Variants in IYD observed in about 807,000 individuals in gnomAD.
The protein encoded by IYD is iodotyrosine deiodinase 1.
A neutral mutation model predicts 28.4 loss-of-function variants in IYD; 25 were observed. That is an observed-to-expected ratio of 0.88 (90% CI 0.64 to 1.23). The LOEUF (loss-of-function observed/expected upper bound fraction) is 1.23, where lower values mean the gene tolerates loss of function less well. Ranked by LOEUF, IYD falls within the 50% of genes most tolerant of loss-of-function variation. The pLI is 0.00. For synonymous variants in IYD, 140 were observed against 130.8 expected (o/e 1.07, Z -0.48); for missense variants, 352 against 357.9 (o/e 0.98, Z 0.13).
chr6:150,393,295 C>T (rs752995005), intron 3 of IYD, among the ~76,000 whole-genome samples: 9 of 152,118 alleles, frequency 5.9e-5, no homozygotes, highest in Admixed American at 3.3e-4. Context: ...TCTTCTAAAG[C>T]GTTACCATTT....
At chr6:150,372,693 TG>T in intron 1 of IYD, among the ~76,000 whole-genome samples, 1 of 89,888 alleles carries the variant, frequency 1.1e-5, no homozygotes, top group African/African-American at 4.9e-5. Context: ...GACATGTGTG[TG>T]TGGGGGTGTG....
rs759567974 is a variant in IYD, at chr6:150,394,095, A to G, written c.531-4A>G. ...ATTATCCTGAATCTCTTTTCTCTTC[A>G]CAGAACCAACTGGATTAAAGAGTAC... On this transcript the variant is annotated splice_region_variant and splice_polypyrimidine_tract_variant and intron_variant, in intron 3 of 4. Transcript: ENST00000344419. The G allele has an allele frequency of 6.2e-7, 1 of 1,613,816 alleles. No individual in the cohort carries two copies. The highest frequency in any genetic ancestry group is 1.7e-5 in the Admixed American group (1 of 60,008).
intron 4 of IYD, among the ~76,000 whole-genome samples, chr6:150,394,994 T>C (rs2143031): frequency 0.89 from 135,571 of 152,200 alleles, 60,524 homozygotes; most frequent in African/African-American, 0.95. Flanking sequence ...TGCTAATTTT[T>C]GCATTTTTTG....
Position 150,401,242 on chromosome 6 carries a change from G to A in IYD, c.*3005G>A, listed in dbSNP as rs1366986904. 6.6e-6 allele frequency: 1 copy of A among 152,120 alleles called. No individual in the cohort carries two copies. The highest frequency in any genetic ancestry group is 1.5e-5 in the Non-Finnish European group (1 of 68,022). The allele number at this position is 152,120 out of a possible 1,614,324, so 9.4% of individuals were successfully genotyped here. On this transcript the variant is annotated 3_prime_UTR_variant, in exon 5 of 5. Coordinates refer to ENST00000344419, the MANE Select transcript of IYD (RefSeq NM_203395.3). Reference sequence around the variant, plus strand: ...CTCTAAGTCCATCATTAGGTTAAGCGATTTACTGAAGGTGCAGATATCATG... The same window carrying A: ...CTCTAAGTCCATCATTAGGTTAAGCAATTTACTGAAGGTGCAGATATCATG...
intron 3 of IYD, 131 bp downstream of exon 3, chr6:150,392,635 G>T: frequency 1.1e-6 from 1 of 923,834 alleles, no homozygotes; most frequent in Non-Finnish European, 1.7e-6. Flanking sequence ...AGGAATTACG[G>T]AAGTTAAGTC....
intron 2 of IYD, 63 bp from the exon 3 acceptor site, chr6:150,392,282 T>C: frequency 6.2e-7 from 1 of 1,608,958 alleles, no homozygotes; most frequent in Non-Finnish European, 8.5e-7. Context: ...GAGCCTCTCC[T>C]TAATTAGCAG....
intron 1 of IYD, chr6:150,384,299 A>G (rs1777779637): frequency 6.6e-6 from 1 of 152,194 alleles, no homozygotes; most frequent in South Asian, 2.1e-4. Context: ...TAAAAGAACC[A>G]TCTACTCATT....
chr6:150,395,476 C>G (rs73617694), intron 4 of IYD: 1 of 1,536,772 alleles, frequency 6.5e-7, no homozygotes, highest in East Asian at 2.4e-5. Flanking sequence ...AATCACCATG[C>G]GGCATCAGAC....
At chr6:150,375,503 A>T (rs1022640734) in intron 1 of IYD, among the ~76,000 whole-genome samples, 4 of 152,224 alleles carry the variant, frequency 2.6e-5, no homozygotes. Context: ...TCTATCTCAA[A>T]CAAAAGCCTT....
In IYD at chr6:150,404,309, G is replaced by T. The variant is rs770018813; in HGVS notation, c.*6072G>T. The T allele has an allele frequency of 1.3e-5, 2 of 152,166 alleles. No individual in the cohort carries two copies. Among genetic ancestry groups the T allele is most frequent in the Non-Finnish European group, 2.9e-5 (2 of 68,028 alleles). 9.4% of individuals were successfully genotyped at this position (152,166 alleles called of 1,614,324 possible). On this transcript the variant is annotated 3_prime_UTR_variant, in exon 5 of 5. Transcript: ENST00000344419. ...TAAGTTTAGGACTAATCTTGTGTAT[G>T]CTCCTTAAGTGATTTGAATCTTTAA...
Position 150,392,342 on chromosome 6 carries a change from C to T in IYD, c.371-3C>T. On this transcript the variant is annotated splice_region_variant and splice_polypyrimidine_tract_variant and intron_variant, in intron 2 of 4. Transcript: ENST00000344419. ...TTTCTGATTTTAATGGAATGGGTGA[C>T]AGGAACAGCCCCGAGTGGGGCTCAC... 1.9e-6 allele frequency: 3 copies of T among 1,612,996 alleles called. No individual in the cohort carries two copies. Among genetic ancestry groups the T allele is most frequent in the Non-Finnish European group, 2.5e-6 (3 of 1,179,860 alleles).
At chr6:150,378,940 T>G (rs1404221490) in intron 1 of IYD, among the ~76,000 whole-genome samples, 1 of 152,194 alleles carries the variant, frequency 6.6e-6, no homozygotes, top group Non-Finnish European at 1.5e-5. Flanking sequence ...CCACTCTTCC[T>G]TTCATTCCTC....
At chr6:150,382,863 T>G (rs150810935) in intron 1 of IYD, among the ~76,000 whole-genome samples, 146 of 152,362 alleles carry the variant, frequency 9.6e-4, no homozygotes, top group African/African-American at 3.4e-3. Context: ...TTGTATTTCT[T>G]TGGACATAGT....
At chr6:150,396,262 CT>C (rs929297538) in intron 4 of IYD, 83 of 395,600 alleles carry the variant, frequency 2.1e-4, no homozygotes, top group Middle Eastern at 6.5e-4. Context: ...AATATGAAAA[CT>C]TTTTTTTTCA....
intron 1 of IYD, among the ~76,000 whole-genome samples, chr6:150,380,410 T>C (rs946984933): frequency 6.6e-6 from 1 of 152,204 alleles, no homozygotes; most frequent in East Asian, 1.9e-4. Flanking sequence ...GTTGTTTAGT[T>C]CCACTAATAT....
At chr6:150,379,168 A>G (rs1434373071) in intron 1 of IYD, among the ~76,000 whole-genome samples, 1 of 152,202 alleles carries the variant, frequency 6.6e-6, no homozygotes, top group Non-Finnish European at 1.5e-5. Flanking sequence ...CAGGCACTAA[A>G]GCCAGAAACC....
At chr6:150,395,479 C>G in intron 4 of IYD, 1 of 1,536,934 alleles carries the variant, frequency 6.5e-7, no homozygotes. Context: ...CACCATGCGG[C>G]ATCAGACTGC....
chr6:150,380,480 T>G (rs752055841), intron 1 of IYD, among the ~76,000 whole-genome samples: 6 of 152,222 alleles, frequency 3.9e-5, no homozygotes, highest in Non-Finnish European at 7.3e-5. Flanking sequence ...TTAGCTAATG[T>G]GTAATACTTA....
chr6:150,388,698 C>T (rs1421505412), intron 1 of IYD, among the ~76,000 whole-genome samples: 2 of 112,722 alleles, frequency 1.8e-5, no homozygotes, highest in African/African-American at 3.6e-5. Flanking sequence ...TTCCTTCCTT[C>T]CTTTCTCTTT....
Sources: allele counts gnomAD v4.1 joint callset (sites outside exome capture counted in the v4.1 genomes callset), GRCh38; gene constraint gnomAD v4.1.1; transcripts MANE v1.5; gene names NCBI Gene and HGNC (gene_info 2026-07-23, HGNC 2026-07-21).